Variants in ANK2 observed in about 807,000 individuals in gnomAD.
ANK2 encodes ankyrin 2.
A neutral mutation model predicts 360.5 loss-of-function variants in ANK2; 83 were observed. The observed-to-expected ratio is 0.23, with a 90% CI of 0.19 to 0.28. The LOEUF is 0.28. ANK2 is among the 10% of genes least tolerant of loss of function. The pLI, the probability that ANK2 is intolerant of heterozygous loss-of-function variation, is 1.00. For missense variants in ANK2, 4,201 were observed against 4,795.7 expected (o/e 0.88, Z 3.66); for synonymous variants, 1,740 against 1,759.5 (o/e 0.99, Z 0.28).
chr4:112,998,981 A>T (rs10213287), intron 2 of ANK2, among the ~76,000 whole-genome samples: 30,945 of 152,090 alleles, frequency 0.2, 3,365 homozygotes, highest in African/African-American at 0.29. Flanking sequence ...GTGAGAGAGA[A>T]TGCTATAACT....
chr4:112,747,792 A>T, the ANK2 span, among the ~76,000 whole-genome samples: 1 of 152,300 alleles, frequency 6.6e-6, no homozygotes, highest in East Asian at 1.9e-4. Context: ...TTAACCCTCC[A>T]GTCTCCTAGG....
chr4:112,728,788 C>T, the ANK2 span, among the ~76,000 whole-genome samples: 4 of 151,978 alleles, frequency 2.6e-5, no homozygotes, highest in Non-Finnish European at 4.4e-5. Context: ...TGTATATACA[C>T]AGAAAATTTG....
intron 45 of ANK2, chr4:113,378,223 TA>T: frequency 9.7e-7 from 1 of 1,026,812 alleles, no homozygotes; most frequent in Non-Finnish European, 1.3e-6. Context: ...ACTAACACCA[TA>T]AAAATTTTTC....
chr4:113,356,512 G>A lies in ANK2; in HGVS notation c.7894G>A (p.Val2632Ile). 2.5e-6 allele frequency: 4 copies of A among 1,614,170 alleles called. No individual in the cohort carries two copies. Among genetic ancestry groups the A allele is most frequent in the Non-Finnish European group, 3.4e-6 (4 of 1,180,002 alleles). ...TTCTGACCCAGATGCTGACTGTTCA[G>A]TAGATGTGGATGAACCAAAACATAC... ...SSSDPDADCS[V>I]DVDEPKHTGS... The change falls in exon 38 of 46, where the codon GTA becomes ATA. Residue 2632 changes from valine (V) to isoleucine (I), a missense_variant. Val to Ile is a conservative substitution (Grantham distance 29). This residue lies in a region of ANK2 where 2,642 missense variants were observed against 2,714.5 expected (regional missense o/e 0.97). Coordinates refer to ENST00000357077, the MANE Select transcript of ANK2 (RefSeq NM_001148.6).
intron 2 of ANK2, among the ~76,000 whole-genome samples, chr4:112,948,196 AC>A (rs2094683659): frequency 6.6e-6 from 1 of 152,208 alleles, no homozygotes. Flanking sequence ...TGTCATGGAT[AC>A]CTGGGCATTA....
chr4:113,026,957 G>A (rs2059407554), intron 2 of ANK2, among the ~76,000 whole-genome samples: 1 of 152,108 alleles, frequency 6.6e-6, no homozygotes, highest in Non-Finnish European at 1.5e-5. Context: ...GAGAAACTGG[G>A]AGATCCAGAG....
chr4:113,238,900 A>C (rs2099404215), intron 7 of ANK2, among the ~76,000 whole-genome samples: 2 of 152,292 alleles, frequency 1.3e-5, no homozygotes, highest in Middle Eastern at 3.4e-3. Context: ...TCAGACAATA[A>C]GTTTATTTTT....
chr4:113,162,582 T>G (rs400883), intron 1 of ANK2, among the ~76,000 whole-genome samples: 31,812 of 152,096 alleles, frequency 0.21, 3,636 homozygotes, highest in East Asian at 0.37. Context: ...TATCAAACAC[T>G]ATATTGCAAT....
At chr4:112,839,011 C>A (rs866977480) in intron 1 of ANK2, among the ~76,000 whole-genome samples, 1 of 152,178 alleles carries the variant, frequency 6.6e-6, no homozygotes, top group African/African-American at 2.4e-5. Flanking sequence ...CCTCTTTCCT[C>A]TGTGGACTTC....
At chr4:112,742,834 C>T in the ANK2 span, among the ~76,000 whole-genome samples, 1 of 152,012 alleles carries the variant, frequency 6.6e-6, no homozygotes, top group East Asian at 1.9e-4. Flanking sequence ...AAGCAATTCT[C>T]CTGCCTCAGC....
the ANK2 span, among the ~76,000 whole-genome samples, chr4:112,730,508 G>A: frequency 1.3e-5 from 2 of 150,600 alleles, no homozygotes. Flanking sequence ...ATGGTGGTGG[G>A]CACCAGTAAT....
intron 43 of ANK2, among the ~76,000 whole-genome samples, chr4:113,371,791 T>C (rs1421230599): frequency 1.3e-5 from 2 of 152,240 alleles, no homozygotes; most frequent in African/African-American, 4.8e-5. Flanking sequence ...AACATATAAC[T>C]TGAGTTTTAC....
chr4:113,379,791 C>CA (rs975760214), intron 45 of ANK2, among the ~76,000 whole-genome samples: 1 of 151,236 alleles, frequency 6.6e-6, no homozygotes, highest in Admixed American at 6.6e-5. Flanking sequence ...CAAGGATGTC[C>CA]AAAAAAAAGC....
chr4:113,147,655 A>G (rs1299053891), intron 1 of ANK2, among the ~76,000 whole-genome samples: 3 of 152,202 alleles, frequency 2.0e-5, no homozygotes, highest in Non-Finnish European at 4.4e-5. Context: ...CTTAATACCA[A>G]GCATGACTTA....
chr4:113,208,635 A>G (rs1457813873), intron 4 of ANK2, among the ~76,000 whole-genome samples: 2 of 151,874 alleles, frequency 1.3e-5, no homozygotes, highest in Non-Finnish European at 2.9e-5. Context: ...CTGAGTAGCT[A>G]GGACTACAAA....
At chr4:112,969,454 C>T (rs1452276348) in intron 2 of ANK2, among the ~76,000 whole-genome samples, 1 of 152,022 alleles carries the variant, frequency 6.6e-6, no homozygotes, top group Non-Finnish European at 1.5e-5. Flanking sequence ...CCATTGGCTT[C>T]CCCCCGGACT....
At chr4:112,729,288 T>A in the ANK2 span, among the ~76,000 whole-genome samples, 61 of 151,792 alleles carry the variant, frequency 4.0e-4, no homozygotes, top group African/African-American at 1.4e-3. Context: ...TGAAGTTTTC[T>A]GAAAAAAAAA....
At chr4:113,180,388 A>T (rs2098377273) in intron 2 of ANK2, among the ~76,000 whole-genome samples, 1 of 152,206 alleles carries the variant, frequency 6.6e-6, no homozygotes, top group African/African-American at 2.4e-5. Context: ...CAGAGCAAGT[A>T]CTCAATAAAT....
At chr4:113,051,429 G>A (rs779734969) in intron 1 of ANK2, among the ~76,000 whole-genome samples, 69 of 152,162 alleles carry the variant, frequency 4.5e-4, no homozygotes, top group Non-Finnish European at 6.8e-4. Context: ...TAGAGACAAC[G>A]AAATCATCCT....
Sources: gnomAD v4.1 joint callset for allele counts (sites outside exome capture counted in the v4.1 genomes callset) on GRCh38, gnomAD v4.1.1 for gene constraint, gnomAD v4.1.1 regional missense constraint, MANE v1.5 for transcripts, NCBI Gene and HGNC (gene_info 2026-07-23, HGNC 2026-07-21) for gene names.